The following TFEC variants were observed in gnomAD, a reference collection of about 807,000 sequenced individuals.
TFEC encodes class E basic helix-loop-helix protein 34.
Under a neutral mutation model 41.6 loss-of-function variants are expected in TFEC, and 31 were observed. That is an observed-to-expected ratio of 0.74 (90% CI 0.56 to 1.01). The LOEUF is 1.01. Among genes scored for constraint, TFEC ranks in the 50% least tolerant of loss-of-function variants. TFEC has a pLI of 0.00. For synonymous variants in TFEC, 143 were observed against 140.6 expected, an observed-to-expected ratio of 1.02 and a Z score of -0.12; for missense variants, 402 against 404.1, an observed-to-expected ratio of 0.99 and a Z score of 0.04.
chr7:116,050,354 C>T (rs186904887), intron 3 of TFEC, among the ~76,000 whole-genome samples: 55 of 152,270 alleles, frequency 3.6e-4, no homozygotes, highest in African/African-American at 1.3e-3. Flanking sequence ...ACTATAAACA[C>T]CTCTATGCAA....
chr7:115,950,894 A>G lies in TFEC; in HGVS notation c.495T>C (p.Leu165=). ...INYRIKELGT[L]IPKSNDPDMR... ...CTCACGGATCATTAGACTTTGGAAT[A>G]AGAGTGCCAAGCTCCTTGATTCGGT... The change falls in exon 6 of 8, where the codon CTT becomes CTC. Residue 165 remains leucine, a synonymous_variant. Coordinates refer to ENST00000265440, the MANE Select transcript of TFEC (RefSeq NM_012252.4). 6.2e-7 allele frequency: 1 copy of G among 1,604,760 alleles called. No individual in the cohort carries two copies. Among genetic ancestry groups the G allele is most frequent in the Non-Finnish European group, 8.5e-7 (1 of 1,175,092 alleles).
chr7:116,017,991 T>G (rs1795258422), intron 1 of TFEC, among the ~76,000 whole-genome samples: 1 of 152,220 alleles, frequency 6.6e-6, no homozygotes. Flanking sequence ...GGGCAAATAT[T>G]AGGTTCTTAA....
chr7:116,099,036 A>C (rs1797542199), intron 3 of TFEC, among the ~76,000 whole-genome samples: 1 of 152,234 alleles, frequency 6.6e-6, no homozygotes, highest in Non-Finnish European at 1.5e-5. Context: ...ATGATACCAA[A>C]AGCACAATCC....
chr7:115,962,136 C>T (rs1339885104), intron 3 of TFEC, among the ~76,000 whole-genome samples: 2 of 151,284 alleles, frequency 1.3e-5, no homozygotes, highest in Non-Finnish European at 3.0e-5. Context: ...AAACTTAACC[C>T]GAGAAGCGAA....
At chr7:116,062,599 A>C (rs981553078) in intron 3 of TFEC, among the ~76,000 whole-genome samples, 8 of 120,032 alleles carry the variant, frequency 6.7e-5, no homozygotes, top group Admixed American at 1.6e-4. Flanking sequence ...ATATATATAT[A>C]TCACATTTTT....
intron 3 of TFEC, among the ~76,000 whole-genome samples, chr7:116,060,726 G>A (rs1047972707): frequency 3.3e-5 from 5 of 152,126 alleles, no homozygotes; most frequent in African/African-American, 9.7e-5. Flanking sequence ...GAGATGGGAA[G>A]AAGGAGAGGA....
In TFEC at chr7:115,954,569, GA is replaced by G; in HGVS notation, c.439+16del. 1 of 1,601,786 alleles carries G rather than the reference GA, an allele frequency of 6.2e-7. No homozygotes were observed. Among genetic ancestry groups the G allele is most frequent in the Non-Finnish European group, 8.5e-7 (1 of 1,172,750 alleles). The stretch of plus-strand genomic sequence containing the variant: ...TTTCCTTTTGCATTAATTTTATATG[GA>G]AAAATATATACTCACTGAGGTTGTG... On this transcript the variant is annotated intron_variant, in intron 5 of 7. Transcript: ENST00000265440.
intron 1 of TFEC, among the ~76,000 whole-genome samples, chr7:115,998,805 C>A (rs1043418823): frequency 6.6e-6 from 1 of 151,656 alleles, no homozygotes; most frequent in African/African-American, 2.4e-5. Context: ...ATATGTGCCC[C>A]AAAACTGGAG....
chr7:116,061,813 GTATATGGA>G (rs1451471110), intron 3 of TFEC, among the ~76,000 whole-genome samples: 1 of 152,052 alleles, frequency 6.6e-6, no homozygotes, highest in African/African-American at 2.4e-5. Flanking sequence ...ACCATATAAG[GTATATGGA>G]TAGCAAATAA....
At chr7:115,963,642 A>G (rs896145290) in intron 3 of TFEC, among the ~76,000 whole-genome samples, 2 of 151,810 alleles carry the variant, frequency 1.3e-5, no homozygotes, top group Non-Finnish European at 2.9e-5. Context: ...AATTATGCTA[A>G]GTGAAATAAG....
At chr7:115,954,504 T>A in intron 5 of TFEC, 82 bp downstream of exon 5, 2 of 1,127,824 alleles carry the variant, frequency 1.8e-6, no homozygotes, top group Non-Finnish European at 1.3e-6. Flanking sequence ...AAAATACTTA[T>A]GGAGTATAAT....
chr7:116,050,751 G>A (rs922244448), intron 3 of TFEC, among the ~76,000 whole-genome samples: 5 of 152,194 alleles, frequency 3.3e-5, no homozygotes, highest in Admixed American at 6.5e-5. Context: ...ATTCCTCAAG[G>A]ATCTAGAACT....
At chr7:116,104,863 T>C (rs915716686) in intron 3 of TFEC, among the ~76,000 whole-genome samples, 3 of 151,994 alleles carry the variant, frequency 2.0e-5, no homozygotes, top group Admixed American at 1.3e-4. Context: ...GATCAAATCC[T>C]ACAGGTTATT....
At chr7:115,948,270 C>G (rs1791718632) in intron 6 of TFEC, among the ~76,000 whole-genome samples, 1 of 151,536 alleles carries the variant, frequency 6.6e-6, no homozygotes, top group Non-Finnish European at 1.5e-5. Context: ...ACCAGAGGTA[C>G]AAGGAGGAAC....
At chr7:115,995,923 G>A (rs1299402552) in intron 1 of TFEC, among the ~76,000 whole-genome samples, 2 of 152,158 alleles carry the variant, frequency 1.3e-5, no homozygotes, top group African/African-American at 2.4e-5. Flanking sequence ...CCATTCCAGT[G>A]GTCAGAAGTT....
chr7:115,963,771 G>A (rs1053531945), intron 3 of TFEC, among the ~76,000 whole-genome samples: 2 of 151,674 alleles, frequency 1.3e-5, no homozygotes, highest in Non-Finnish European at 2.9e-5. Flanking sequence ...TCAGAGATAA[G>A]GGGAGCTATT....
chr7:116,090,882 C>T (rs997862491), intron 3 of TFEC, among the ~76,000 whole-genome samples: 3 of 152,026 alleles, frequency 2.0e-5, no homozygotes, highest in South Asian at 4.2e-4. Context: ...AAACCAAACA[C>T]CACATGTTGT....
upstream of TFEC, among the ~76,000 whole-genome samples, chr7:116,035,536 C>T (rs114605955): frequency 7.0e-4 from 106 of 152,086 alleles, no homozygotes; most frequent in African/African-American, 2.4e-3. Context: ...CCATTGGGTA[C>T]ATTTGTTAAT....
intron 3 of TFEC, among the ~76,000 whole-genome samples, chr7:116,048,982 C>A (rs193045520): frequency 6.6e-6 from 1 of 152,144 alleles, no homozygotes; most frequent in Non-Finnish European, 1.5e-5. Context: ...CTGAAGGAAG[C>A]ACTAAACATG....
Sources: gnomAD v4.1 joint callset for allele counts (sites outside exome capture counted in the v4.1 genomes callset) on GRCh38, gnomAD v4.1.1 for gene constraint, MANE v1.5 for transcripts, NCBI Gene and HGNC (gene_info 2026-07-23, HGNC 2026-07-21) for gene names.